RAPGEF6: variants seen among roughly 807,000 people sequenced by gnomAD.
RAPGEF6 encodes the protein Rap guanine nucleotide exchange factor 6.
A neutral mutation model predicts 171.4 loss-of-function variants in RAPGEF6; 56 were observed. The observed-to-expected ratio is 0.33, with a 90% CI of 0.26 to 0.41. RAPGEF6 has a LOEUF of 0.41. Ranked by LOEUF, RAPGEF6 falls within the 10% of genes least tolerant of loss-of-function variation. The pLI is 1.00. For synonymous variants in RAPGEF6, 692 were observed against 650.1 expected (o/e 1.06, Z -0.98); for missense variants, 1,674 against 1,921.4 (o/e 0.87, Z 2.41).
At chr5:131,552,955 G>C (rs1177643733) in intron 5 of RAPGEF6, among the ~76,000 whole-genome samples, 4 of 152,118 alleles carry the variant, frequency 2.6e-5, no homozygotes, top group Non-Finnish European at 5.9e-5. Flanking sequence ...AAGTATTAGA[G>C]AATAGAAAGT....
At chr5:131,512,104 CAA>C (rs1038476915) in intron 7 of RAPGEF6, among the ~76,000 whole-genome samples, 4 of 152,070 alleles carry the variant, frequency 2.6e-5, no homozygotes, top group African/African-American at 9.7e-5. Flanking sequence ...GAGAGTCAAA[CAA>C]AGACTCAGAG....
chr5:131,514,614 C>A (rs943393883), intron 7 of RAPGEF6, among the ~76,000 whole-genome samples: 1 of 149,708 alleles, frequency 6.7e-6, no homozygotes, highest in African/African-American at 2.4e-5. Context: ...AGAAGAAAAA[C>A]AATTAGAGGA....
At chr5:131,626,744 A>G (rs1352115970) in intron 1 of RAPGEF6, among the ~76,000 whole-genome samples, 2 of 152,126 alleles carry the variant, frequency 1.3e-5, no homozygotes, top group African/African-American at 2.4e-5. Context: ...CAGATATATT[A>G]TTTCTTAAAT....
At chr5:131,469,835 A>T in intron 17 of RAPGEF6, 2 of 1,519,838 alleles carry the variant, frequency 1.3e-6, no homozygotes, top group Non-Finnish European at 1.8e-6. Context: ...GCAAAAATAA[A>T]GCAAAATCAA....
intron 25 of RAPGEF6, among the ~76,000 whole-genome samples, chr5:131,432,594 G>C (rs1371971413): frequency 6.6e-6 from 1 of 151,956 alleles, no homozygotes; most frequent in African/African-American, 2.4e-5. Context: ...CTCCAGCCTG[G>C]GCAACAAGAG....
Position 131,426,240 on chromosome 5 carries a change from T to C in RAPGEF6, c.*1026A>G, listed in dbSNP as rs1751388614. ...GGTGCTATGAGATGTGGGGGAGGCA[T>C]GCTGCAGAACACTGCATAAAGTCAA... On this transcript the variant is annotated 3_prime_UTR_variant, in exon 28 of 28. Coordinates refer to ENST00000509018, the MANE Select transcript of RAPGEF6 (RefSeq NM_016340.6). 1 of 152,296 alleles carries C rather than the reference T, an allele frequency of 6.6e-6. No individual in the cohort carries two copies. Among genetic ancestry groups the C allele is most frequent in the Non-Finnish European group, 1.5e-5 (1 of 68,030 alleles). The allele number at this position is 152,296 out of a possible 1,614,324, so 9.4% of individuals were successfully genotyped here.
At chr5:131,591,807 G>A (rs1763607159) in intron 4 of RAPGEF6, among the ~76,000 whole-genome samples, 1 of 152,070 alleles carries the variant, frequency 6.6e-6, no homozygotes, top group African/African-American at 2.4e-5. Flanking sequence ...CCCAATAACA[G>A]CAATGAATCA....
At chr5:131,435,169 G>A (rs901649891) in intron 24 of RAPGEF6, among the ~76,000 whole-genome samples, 5 of 152,070 alleles carry the variant, frequency 3.3e-5, no homozygotes, top group Admixed American at 2.0e-4. Context: ...AAGTCGTTTC[G>A]TTAACTATTT....
chr5:131,491,853 A>G (rs1271671670), intron 14 of RAPGEF6, among the ~76,000 whole-genome samples: 2 of 152,186 alleles, frequency 1.3e-5, no homozygotes, highest in African/African-American at 4.8e-5. Context: ...CCCTGGTGCC[A>G]AAAAGGTTGG....
chr5:131,466,952 C>G (rs991148194), intron 17 of RAPGEF6, among the ~76,000 whole-genome samples: 1 of 152,156 alleles, frequency 6.6e-6, no homozygotes, highest in African/African-American at 2.4e-5. Context: ...ACTGTTGCTA[C>G]CCTCTTCATA....
At chr5:131,632,702 T>C (rs1766389422) in intron 1 of RAPGEF6, among the ~76,000 whole-genome samples, 2 of 152,202 alleles carry the variant, frequency 1.3e-5, no homozygotes, top group African/African-American at 4.8e-5. Context: ...AATAGACCCT[T>C]GGGAGTCCAG....
chr5:131,570,936 C>A (rs1046526575), intron 4 of RAPGEF6, among the ~76,000 whole-genome samples: 1 of 148,648 alleles, frequency 6.7e-6, no homozygotes, highest in African/African-American at 2.5e-5. Flanking sequence ...TCTTCATCCC[C>A]AACTACTTTT....
chr5:131,431,094 G>C lies in RAPGEF6; in HGVS notation c.4230C>G (p.Pro1410=). Residue 1410 remains proline, a synonymous_variant, in exon 26 of 28, where the codon CCC becomes CCG. Coordinates refer to ENST00000509018, the MANE Select transcript of RAPGEF6 (RefSeq NM_016340.6). ...IAEVEPTDSE[P]YSCSKSCSRT... is the part of the protein sequence containing the mutation. ...TAGAGCAGCTTTTAGAACAGGAATA[G>C]GGCTCAGAGTCAGTGGGTTCAACTT... 6.2e-7 allele frequency: 1 copy of C among 1,614,218 alleles called. No homozygotes were observed. Among genetic ancestry groups the C allele is most frequent in the East Asian group, 2.2e-5 (1 of 44,888 alleles).
At chr5:131,450,120 G>A (rs1023084099) in intron 21 of RAPGEF6, 229 of 1,414,526 alleles carry the variant, frequency 1.6e-4, no homozygotes, top group Middle Eastern at 5.2e-4. Flanking sequence ...ACAGTTGAGA[G>A]TCAGAGAAAC....
At chr5:131,458,579 T>C (rs1050662447) in intron 19 of RAPGEF6, among the ~76,000 whole-genome samples, 21 of 152,240 alleles carry the variant, frequency 1.4e-4, no homozygotes, top group African/African-American at 5.1e-4. Context: ...GCAAGAGCCA[T>C]TGTTACAAAG....
intron 20 of RAPGEF6, among the ~76,000 whole-genome samples, chr5:131,455,401 G>T (rs1753415145): frequency 1.3e-5 from 2 of 152,158 alleles, no homozygotes; most frequent in Admixed American, 1.3e-4. Flanking sequence ...TGGAACTACA[G>T]GCGGCCGCCA....
At chr5:131,584,564 A>C (rs770563884) in intron 4 of RAPGEF6, among the ~76,000 whole-genome samples, 6 of 152,244 alleles carry the variant, frequency 3.9e-5, no homozygotes, top group Non-Finnish European at 7.3e-5. Flanking sequence ...AATGATTACC[A>C]GTCATTATTC....
intron 6 of RAPGEF6, among the ~76,000 whole-genome samples, chr5:131,534,752 G>T (rs1271481471): frequency 2.0e-5 from 3 of 151,496 alleles, no homozygotes; most frequent in African/African-American, 7.3e-5. Context: ...TGTACATGAA[G>T]ACAAACTTTC....
chr5:131,487,701 T>C lies in RAPGEF6; in HGVS notation c.1840+1845A>G, dbSNP rs1451167421. Among the ~76,000 whole-genome samples, 3 of 152,196 alleles carry C rather than the reference T, an allele frequency of 2.0e-5. No individual in the cohort carries two copies. The East Asian group carries it at 5.8e-4, about 29-fold the overall frequency. On this transcript the variant is annotated intron_variant, in intron 15 of 27. Transcript: ENST00000509018. ...CAGAAATGTTCTCCGAGTCCCTACT[T>C]GACCCAGGAAGTCCAGCTGGCTTCA... is the stretch of plus-strand genomic sequence containing the variant.
Sources: allele counts gnomAD v4.1 joint callset (sites outside exome capture counted in the v4.1 genomes callset), GRCh38; gene constraint gnomAD v4.1.1; transcripts MANE v1.5; gene names NCBI Gene and HGNC (gene_info 2026-07-23, HGNC 2026-07-21).